CP: variants seen among roughly 807,000 people sequenced by gnomAD.
The protein encoded by CP is ceruloplasmin, also known as caeruloplasmin.
In CP, 64 loss-of-function variants were observed where a neutral mutation model predicts 122.4. The ratio of observed to expected loss-of-function variants is 0.52; its 90% CI spans 0.43 to 0.64. CP has a LOEUF of 0.64. CP is among the 30% of genes least tolerant of loss of function. The pLI is 0.00. For missense variants in CP, 1,167 were observed against 1,284.4 expected, an observed-to-expected ratio of 0.91 and a Z score of 1.40; for synonymous variants, 440 against 436.4, an observed-to-expected ratio of 1.01 and a Z score of -0.10.
rs1035186423 is a variant in CP at position 149,212,618 on chromosome 3, G to A, written c.227C>T (p.Thr76Ile). 6.2e-7 allele frequency: 1 copy of A among 1,614,020 alleles called. No individual in the cohort carries two copies. The highest frequency in any genetic ancestry group is 8.5e-7 in the Non-Finnish European group (1 of 1,179,976). ...LYKKALYLQY[T>I]DETFRTTIEK... Reference sequence around the variant, plus strand: ...TATAGTTGTCCTAAAGGTTTCATCTGTGTACTGAAGATAAAGGGCCTTCTT... The same window carrying A: ...TATAGTTGTCCTAAAGGTTTCATCTATGTACTGAAGATAAAGGGCCTTCTT... Residue 76 changes from threonine (T) to isoleucine (I), a missense_variant, in exon 2 of 19, where the codon ACA becomes ATA. This residue lies in a region of CP where 642 missense variants were observed against 627.3 expected (regional missense o/e 1.02). Coordinates refer to ENST00000264613, the MANE Select transcript of CP (RefSeq NM_000096.4).
At chr3:149,164,451 A>G (rs1380766762) in intron 5 of CP, among the ~76,000 whole-genome samples, 1 of 152,226 alleles carries the variant, frequency 6.6e-6, no homozygotes, top group Non-Finnish European at 1.5e-5. Flanking sequence ...TCATCCTTTA[A>G]TAATTCTGAC....
chr3:149,188,954 T>C (rs1726366981), intron 9 of CP, among the ~76,000 whole-genome samples: 1 of 151,936 alleles, frequency 6.6e-6, no homozygotes, highest in African/African-American at 2.4e-5. Flanking sequence ...AAAATCAAAC[T>C]AAAGCAAAGA....
chr3:149,212,871 T>C lies in CP; in HGVS notation c.147-173A>G, dbSNP rs373717261. Among the ~76,000 whole-genome samples, 37 of 152,338 alleles carry C rather than the reference T, an allele frequency of 2.4e-4. 1 individual carries two copies. Among genetic ancestry groups the C allele is most frequent in the African/African-American group, 8.9e-4 (37 of 41,576 alleles). ...AGTGGAGGGCTGGTAGTTAGCCCTGTTATTTTAATGATGTGAGGCTTTCCA... is the reference window on the plus strand; with the variant it reads ...AGTGGAGGGCTGGTAGTTAGCCCTGCTATTTTAATGATGTGAGGCTTTCCA... On this transcript the variant is annotated intron_variant, in intron 1 of 18. Transcript: ENST00000264613.
In CP at chr3:149,186,741, G is replaced by T. The variant is rs1039900388; in HGVS notation, c.1865-9C>A. 1.5e-5 allele frequency: 24 copies of T among 1,612,984 alleles called. No homozygotes were observed. Among genetic ancestry groups the T allele is most frequent in the Non-Finnish European group, 1.9e-5 (22 of 1,179,536 alleles). On this transcript the variant is annotated splice_polypyrimidine_tract_variant and intron_variant, in intron 10 of 18. Transcript: ENST00000264613. ...CATGAATCCATTCATGGCTGTAAAA[G>T]TTGGGAAATAACATTTTGGAAGTGG...
downstream of CP, chr3:149,172,301 G>T (rs1725075331): frequency 4.1e-6 from 4 of 974,648 alleles, no homozygotes; most frequent in South Asian, 5.4e-5. Flanking sequence ...AAGTAGAGGA[G>T]TTTTTTATTT....
Position 149,202,148 on chromosome 3 carries a change from T to C in CP, c.1302A>G (p.Thr434=). ...CTTCAGGGCCTCTCTCCTTTCGATT[T>C]GTGAAGGAGGCATCTGTGTACTCAC... The part of the protein sequence containing the change: ...VYREYTDASF[T]NRKERGPEEE... Residue 434 remains threonine, a synonymous_variant, in exon 7 of 19, where the codon ACA becomes ACG. Transcript: ENST00000264613. 1.2e-6 allele frequency: 2 copies of C among 1,614,144 alleles called. No homozygotes were observed. The highest frequency in any genetic ancestry group is 2.2e-5 in the East Asian group (1 of 44,882).
chr3:149,186,731 G>T lies in CP; in HGVS notation c.1866C>A (p.Ser622=). Residue 622 remains serine, a splice_region_variant and synonymous_variant, in exon 11 of 19, where the codon TCC becomes TCA. Transcript: ENST00000264613. ...GATTCCCATACATGAATCCATTCAT[G>T]GCTGTAAAAGTTGGGAAATAACATT... is the stretch of plus-strand genomic sequence containing the variant. ...EDFQESNKMH[S]MNGFMYGNQP... 1 of 1,613,660 alleles carries T rather than the reference G, an allele frequency of 6.2e-7. No homozygotes were observed. Among genetic ancestry groups the T allele is most frequent in the Non-Finnish European group, 8.5e-7 (1 of 1,179,898 alleles).
At chr3:149,197,687 G>A (rs1043338617) in intron 9 of CP, among the ~76,000 whole-genome samples, 2 of 152,162 alleles carry the variant, frequency 1.3e-5, no homozygotes, top group Non-Finnish European at 2.9e-5. Flanking sequence ...GTGGTTTCTG[G>A]ATGAAACTAT....
intron 8 of CP, among the ~76,000 whole-genome samples, chr3:149,198,832 C>T (rs903654644): frequency 1.1e-4 from 16 of 152,192 alleles, no homozygotes; most frequent in African/African-American, 3.6e-4. Flanking sequence ...TCCCTAGCAC[C>T]TTTCATGTTG....
chr3:149,196,590 A>T (rs943847765), intron 9 of CP, among the ~76,000 whole-genome samples: 1 of 152,234 alleles, frequency 6.6e-6, no homozygotes, highest in African/African-American at 2.4e-5. Context: ...ATCTTCAAAG[A>T]CTACTATGAT....
rs190947527 is a variant in CP at position 149,216,663 on chromosome 3, C to A, written c.147-3965G>T. On this transcript the variant is annotated intron_variant, in intron 1 of 18. Coordinates refer to ENST00000264613, the MANE Select transcript of CP (RefSeq NM_000096.4). ...CTGCAAGAATATGGCAGAGACTCAA[C>A]CTAGGTATATATAACACAAATTCAA... Among the ~76,000 whole-genome samples, 297 of 152,250 alleles carry A rather than the reference C, an allele frequency of 2.0e-3. 4 individuals carry two copies. The highest frequency in any genetic ancestry group is 6.9e-3 in the African/African-American group (286 of 41,552).
At chr3:149,209,179 A>C (rs566661479) in intron 4 of CP, 32 bp downstream of exon 4, 1 of 1,613,200 alleles carries the variant, frequency 6.2e-7, no homozygotes, top group African/African-American at 1.3e-5. Context: ...AGGGAAAAAA[A>C]AGTAAAGTTA....
chr3:149,188,976 G>C (rs2933885), intron 9 of CP, among the ~76,000 whole-genome samples: 2 of 152,164 alleles, frequency 1.3e-5, no homozygotes, highest in Non-Finnish European at 2.9e-5. Context: ...CTGAAGGTTA[G>C]ATCCTTCAGA....
chr3:149,193,226 T>A (rs554752709), intron 9 of CP, among the ~76,000 whole-genome samples: 8 of 152,304 alleles, frequency 5.3e-5, no homozygotes, highest in African/African-American at 1.9e-4. Context: ...CCTAGAAATT[T>A]AAGTCCCAAG....
At chr3:149,167,608 A>G (rs1182877726), downstream of CP, among the ~76,000 whole-genome samples, 1 of 152,118 alleles carries the variant, frequency 6.6e-6, no homozygotes, top group Non-Finnish European at 1.5e-5. Context: ...CCTTCTTGCC[A>G]CATAGGAGAT....
downstream of CP, chr3:149,168,230 A>G (rs114694221): frequency 3.3e-3 from 1,451 of 445,056 alleles, 11 homozygotes; most frequent in African/African-American, 0.026. Flanking sequence ...TCACAGTCAT[A>G]GAAAATGACA....
Position 149,202,115 on chromosome 3 carries a change from A to G in CP, c.1335T>C (p.His445=), listed in dbSNP as rs1472042222. Residue 445 remains histidine, a synonymous_variant, in exon 7 of 19, where the codon CAT becomes CAC. Coordinates refer to ENST00000264613, the MANE Select transcript of CP (RefSeq NM_000096.4). ...NRKERGPEEE[H]LGILGPVIWA... is the part of the protein sequence containing the mutation. Reference sequence around the variant, plus strand: ...GCAAGAACTCACCCAGGATGCCAAGATGCTCTTCTTCAGGGCCTCTCTCCT... The same window carrying G: ...GCAAGAACTCACCCAGGATGCCAAGGTGCTCTTCTTCAGGGCCTCTCTCCT... 6.2e-7 allele frequency: 1 copy of G among 1,613,976 alleles called. No homozygotes were observed. The highest frequency in any genetic ancestry group is 8.5e-7 in the Non-Finnish European group (1 of 1,180,000).
At chr3:149,168,068 T>TCC (rs1724610332), downstream of CP, 3 of 803,974 alleles carry the variant, frequency 3.7e-6, no homozygotes, top group Admixed American at 3.8e-5. Flanking sequence ...TTTCATGTGA[T>TCC]TCTCAAGTGA....
downstream of CP, chr3:149,168,168 T>C: frequency 1.7e-6 from 1 of 585,068 alleles, no homozygotes; most frequent in Non-Finnish European, 3.1e-6. Flanking sequence ...TATCTCCTAG[T>C]CACAGAACTG....
Sources: gnomAD v4.1 joint callset for allele counts (sites outside exome capture counted in the v4.1 genomes callset) on GRCh38, gnomAD v4.1.1 for gene constraint, gnomAD v4.1.1 regional missense constraint, MANE v1.5 for transcripts, NCBI Gene and HGNC (gene_info 2026-07-23, HGNC 2026-07-21) for gene names.